Variants in DAB2IP observed in about 807,000 individuals in gnomAD.
DAB2IP encodes the protein disabled homolog 2-interacting protein.
Under a neutral mutation model 107.2 loss-of-function variants are expected in DAB2IP, and 28 were observed. That is an observed-to-expected ratio of 0.26 (90% CI 0.19 to 0.36). The LOEUF is 0.36. Among genes scored for constraint, DAB2IP ranks in the 10% least tolerant of loss-of-function variants. The pLI is 1.00. For missense variants in DAB2IP, 1,400 were observed against 1,644.7 expected, an observed-to-expected ratio of 0.85 and a Z score of 2.57; for synonymous variants, 755 against 706.4, an observed-to-expected ratio of 1.07 and a Z score of -1.09.
chr9:121,759,800 C>A, intron 5 of DAB2IP, 85 bp from the exon 6 acceptor site: 1 of 1,291,748 alleles, frequency 7.7e-7, no homozygotes, highest in Non-Finnish European at 1.1e-6. Flanking sequence ...CCTCCTGGGT[C>A]TGAGGACTCT....
chr9:121,661,578 G>A (rs955715122), intron 1 of DAB2IP, among the ~76,000 whole-genome samples: 4 of 152,032 alleles, frequency 2.6e-5, no homozygotes, highest in Non-Finnish European at 4.4e-5. Flanking sequence ...CCTGTGTGTC[G>A]GGGAAATTCT....
intron 14 of DAB2IP, among the ~76,000 whole-genome samples, chr9:121,780,168 GA>G (rs1835504303): frequency 6.6e-6 from 1 of 152,188 alleles, no homozygotes; most frequent in African/African-American, 2.4e-5. Context: ...TTATAGGCGT[GA>G]GCCAATGTGC....
At chr9:121,704,358 A>G (rs1399448734) in intron 3 of DAB2IP, among the ~76,000 whole-genome samples, 1 of 152,174 alleles carries the variant, frequency 6.6e-6, no homozygotes, top group Non-Finnish European at 1.5e-5. Flanking sequence ...AGCAGTCTTT[A>G]TCGTTTGGAT....
At chr9:121,649,904 C>T (rs1386426479), upstream of DAB2IP, among the ~76,000 whole-genome samples, 1 of 152,250 alleles carries the variant, frequency 6.6e-6, no homozygotes, top group African/African-American at 2.4e-5. Flanking sequence ...GCTTGTCTGA[C>T]CTGCAGCCTA....
intron 8 of DAB2IP, 60 bp downstream of exon 8, chr9:121,763,939 C>T (rs1834076846): frequency 1.9e-6 from 3 of 1,590,908 alleles, no homozygotes; most frequent in Non-Finnish European, 1.7e-6. Context: ...CCTTCAGTGT[C>T]TGGCACCCGC....
intron 3 of DAB2IP, among the ~76,000 whole-genome samples, chr9:121,733,453 G>GCCCC (rs1372811856): frequency 1.3e-5 from 2 of 152,228 alleles, no homozygotes; most frequent in African/African-American, 4.8e-5. Flanking sequence ...AGAGAGCCTA[G>GCCCC]CCCAGTTGCT....
At chr9:121,755,505 G>A (rs1452143743) in intron 3 of DAB2IP, among the ~76,000 whole-genome samples, 3 of 152,218 alleles carry the variant, frequency 2.0e-5, no homozygotes, top group African/African-American at 7.2e-5. Context: ...GGCAGAGGGA[G>A]CCGGTTGACT....
chr9:121,751,947 C>T (rs956450627), intron 3 of DAB2IP: 12 of 985,486 alleles, frequency 1.2e-5, no homozygotes, highest in Non-Finnish European at 1.4e-5. Context: ...CACCTCCTTC[C>T]TGGGAGCAGT....
At chr9:121,604,032 G>A (rs564507198) in intron 1 of DAB2IP, among the ~76,000 whole-genome samples, 1 of 152,084 alleles carries the variant, frequency 6.6e-6, no homozygotes, top group East Asian at 1.9e-4. Flanking sequence ...GAAGGGGGAG[G>A]TCACTTACCT....
chr9:121,768,590 G>C (rs1834471318), exon 10 of DAB2IP: 2 of 1,614,122 alleles, frequency 1.2e-6, no homozygotes, highest in East Asian at 2.2e-5. Flanking sequence ...GAGCTCTCCA[G>C]CCTGCACTCA....
At chr9:121,767,463 G>A (rs1048589373) in intron 9 of DAB2IP, among the ~76,000 whole-genome samples, 6 of 152,304 alleles carry the variant, frequency 3.9e-5, no homozygotes, top group Middle Eastern at 6.8e-3. Context: ...AAAGCCTCCA[G>A]GGTGACATGA....
chr9:121,656,706 G>A (rs943332031), intron 1 of DAB2IP, among the ~76,000 whole-genome samples: 1 of 152,124 alleles, frequency 6.6e-6, no homozygotes, highest in African/African-American at 2.4e-5. Flanking sequence ...GCCTGGCAAT[G>A]AGCTCAACTC....
At chr9:121,609,957 G>C (rs10985333) in intron 1 of DAB2IP, among the ~76,000 whole-genome samples, 39,496 of 152,158 alleles carry the variant, frequency 0.26, 5,949 homozygotes, top group East Asian at 0.59. Context: ...TCCTGGCGTC[G>C]GTGTGGCTTA....
chr9:121,750,017 A>G (rs1205488566), intron 3 of DAB2IP, among the ~76,000 whole-genome samples: 1 of 152,144 alleles, frequency 6.6e-6, no homozygotes, highest in Non-Finnish European at 1.5e-5. Flanking sequence ...GGAACAGACC[A>G]AAGAGGCATG....
At chr9:121,665,432 A>T (rs573833402) in intron 1 of DAB2IP, among the ~76,000 whole-genome samples, 2 of 152,246 alleles carry the variant, frequency 1.3e-5, no homozygotes, top group African/African-American at 2.4e-5. Context: ...AATGAATGAA[A>T]TGAAAAATAA....
In DAB2IP at chr9:121,772,660, T is replaced by A. The variant is rs753550849; in HGVS notation, c.2132T>A (p.Phe711Tyr). The change falls in exon 12 of 16, where the codon TTT becomes TAT. Residue 711 changes from phenylalanine (F) to tyrosine (Y), a missense_variant. Phe to Tyr is a conservative substitution (Grantham distance 22). This residue lies in a region of DAB2IP where 600 missense variants were observed against 659.1 expected (regional missense o/e 0.91). Coordinates refer to ENST00000408936, the Ensembl canonical transcript of DAB2IP. This position sits in a 1 kb window ranked among gnomAD's most constrained non-coding sequence, Gnocchi z 4.7. The stretch of plus-strand genomic sequence containing the variant: ...CCAACCCCCGAAAACAAGGACTTGT[T>A]TTTTGTCACAAGGTCCTCCGGGGTC... 3.1e-6 allele frequency: 5 copies of A among 1,613,982 alleles called. No homozygotes were observed. The Admixed American group carries it at 8.3e-5, about 27-fold the overall frequency.
chr9:121,681,266 C>G (rs1055825116), intron 2 of DAB2IP, among the ~76,000 whole-genome samples: 3 of 152,216 alleles, frequency 2.0e-5, no homozygotes, highest in Admixed American at 2.0e-4. Context: ...CCACACCCCC[C>G]CAGAACCCCA....
intron 1 of DAB2IP, among the ~76,000 whole-genome samples, chr9:121,625,016 G>A (rs960843788): frequency 1.1e-4 from 17 of 152,160 alleles, no homozygotes; most frequent in Non-Finnish European, 2.2e-4. Flanking sequence ...CCCCGTCCAG[G>A]GCATGGATGA....
intron 13 of DAB2IP, among the ~76,000 whole-genome samples, chr9:121,774,851 C>T (rs1380374298): frequency 1.3e-5 from 2 of 152,152 alleles, no homozygotes; most frequent in African/African-American, 4.8e-5. Context: ...GCCACCCCAG[C>T]CTGGCCCCCA....
Sources: gnomAD v4.1 joint callset for allele counts (sites outside exome capture counted in the v4.1 genomes callset) on GRCh38, gnomAD v4.1.1 for gene constraint, gnomAD v4.1.1 regional missense constraint, Gnocchi (gnomAD v3.1) non-coding constraint, MANE v1.5 for transcripts, NCBI Gene and HGNC (gene_info 2026-07-23, HGNC 2026-07-21) for gene names.